SLCO1A2: variants seen among roughly 807,000 people sequenced by gnomAD.
The protein encoded by SLCO1A2 is OATP-1.
A neutral mutation model predicts 69.0 loss-of-function variants in SLCO1A2; 67 were observed. The observed-to-expected ratio is 0.97, with a 90% CI of 0.80 to 1.19. The LOEUF (loss-of-function observed/expected upper bound fraction) is 1.19, where lower values mean the gene tolerates loss of function less well. Ranked by LOEUF, SLCO1A2 falls within the 50% of genes most tolerant of loss-of-function variation. SLCO1A2 has a pLI of 0.00. For missense variants in SLCO1A2, 787 were observed against 793.7 expected (o/e 0.99, Z 0.10); for synonymous variants, 260 against 265.9 (o/e 0.98, Z 0.22).
At chr12:21,320,014 A>G (rs1951404413) in intron 2 of SLCO1A2, among the ~76,000 whole-genome samples, 2 of 152,224 alleles carry the variant, frequency 1.3e-5, no homozygotes, top group Non-Finnish European at 2.9e-5. Context: ...ATAGATTTAC[A>G]TCAACTTGAA....
chr12:21,339,445 G>A (rs1299979320), upstream of SLCO1A2, among the ~76,000 whole-genome samples: 1 of 151,956 alleles, frequency 6.6e-6, no homozygotes, highest in Non-Finnish European at 1.5e-5. Flanking sequence ...CAACTGGTTT[G>A]AAAGCCTGTT....
chr12:21,329,833 A>G (rs1344670592), intron 2 of SLCO1A2, among the ~76,000 whole-genome samples: 1 of 151,344 alleles, frequency 6.6e-6, no homozygotes, highest in Non-Finnish European at 1.5e-5. Context: ...CTCTCCTACT[A>G]TTTTAACTCT....
chr12:21,373,196 G>T, intron 2 of SLCO1A2: 1 of 663,634 alleles, frequency 1.5e-6, no homozygotes, highest in South Asian at 1.7e-5. Flanking sequence ...AATATTAAGG[G>T]ACTGTATCAA....
At chr12:21,368,947 A>G (rs1370571146) in intron 2 of SLCO1A2, among the ~76,000 whole-genome samples, 1 of 152,142 alleles carries the variant, frequency 6.6e-6, no homozygotes, top group East Asian at 1.9e-4. Context: ...TGTCCAGAGA[A>G]GTAAATATTT....
At chr12:21,309,434 A>G (rs1286686478) in intron 4 of SLCO1A2, among the ~76,000 whole-genome samples, 1 of 152,202 alleles carries the variant, frequency 6.6e-6, no homozygotes, top group Non-Finnish European at 1.5e-5. Context: ...GTTTCCACTG[A>G]AAGAAAACTG....
At chr12:21,299,874 GTATATATATATACGTGTA>G (rs1463892828) in intron 8 of SLCO1A2, among the ~76,000 whole-genome samples, 18 of 101,562 alleles carry the variant, frequency 1.8e-4, no homozygotes, top group South Asian at 1.2e-3. Context: ...ATACGTGTGT[GTATATATATATACGTGTA>G]TATATATATA....
At chr12:21,283,776 G>C (rs1383487845) in intron 12 of SLCO1A2, among the ~76,000 whole-genome samples, 3 of 152,042 alleles carry the variant, frequency 2.0e-5, no homozygotes, top group Non-Finnish European at 4.4e-5. Context: ...ACATTTCTCA[G>C]AAGAATAAAT....
rs1230200339 is a variant in SLCO1A2, at chr12:21,319,372, C to G, written c.61-449G>C. The G allele has an allele frequency of 2.9e-6, 4 of 1,368,046 alleles. No individual in the cohort carries two copies. In the South Asian group the frequency reaches 4.5e-5, roughly 16 times the overall value. 84.7% of individuals were successfully genotyped at this position (1,368,046 alleles called of 1,614,324 possible). A position where few individuals can be genotyped will look rare whatever the true frequency, so the allele number is the denominator to read the frequency against. On this transcript the variant is annotated intron_variant, in intron 2 of 14. Transcript: ENST00000683939. ...GCAGGACAATAGGTCCCCAGATTACCTTGGCCGACTCCACTCTTTCCTGTT... is the reference window on the plus strand; with the variant it reads ...GCAGGACAATAGGTCCCCAGATTACGTTGGCCGACTCCACTCTTTCCTGTT...
At chr12:21,383,440 T>C (rs1042016498) in intron 1 of SLCO1A2, among the ~76,000 whole-genome samples, 2 of 152,088 alleles carry the variant, frequency 1.3e-5, no homozygotes, top group African/African-American at 4.8e-5. Context: ...GCATTAACCA[T>C]CCCATACCCC....
At chr12:21,346,804 G>C (rs1167288364) in intron 2 of SLCO1A2, among the ~76,000 whole-genome samples, 1 of 152,166 alleles carries the variant, frequency 6.6e-6, no homozygotes, top group East Asian at 1.9e-4. Context: ...GAAACAAGAT[G>C]AATTACAAGC....
intron 8 of SLCO1A2, among the ~76,000 whole-genome samples, chr12:21,299,604 T>C (rs924099288): frequency 6.6e-6 from 1 of 150,924 alleles, no homozygotes; most frequent in Admixed American, 6.6e-5. Flanking sequence ...AAGCTCTTCG[T>C]TAAACTAACA....
intron 12 of SLCO1A2, among the ~76,000 whole-genome samples, chr12:21,291,352 ATACT>A (rs1946815413): frequency 6.6e-6 from 1 of 152,222 alleles, no homozygotes; most frequent in African/African-American, 2.4e-5. Context: ...TCTATCTGTC[ATACT>A]TAAGTGAGCA....
intron 12 of SLCO1A2, among the ~76,000 whole-genome samples, chr12:21,290,146 A>T (rs1946619570): frequency 6.6e-6 from 1 of 152,022 alleles, no homozygotes; most frequent in South Asian, 2.1e-4. Flanking sequence ...CTTAAGAAGC[A>T]ATCTAATGGC....
chr12:21,419,541 A>G (rs1277883388), upstream of SLCO1A2: 2 of 154,746 alleles, frequency 1.3e-5, no homozygotes, highest in African/African-American at 2.4e-5. Context: ...GCACGAGACT[A>G]TATCCCGCAC....
At position 21,378,183 on chromosome 12, in the gene SLCO1A2, G is replaced by C; in HGVS notation, c.-189-3658C>G. ...CAAGATATTTGATGTCACATGGCTG[G>C]ATCCAGCTAAAATTCTAAGGCTCTA... On this transcript the variant is annotated intron_variant, in intron 1 of 15. Coordinates refer to the SLCO1A2 transcript ENST00000307378. 4 of 1,498,952 alleles carry C rather than the reference G, an allele frequency of 2.7e-6. 1 individual carries two copies. The highest frequency in any genetic ancestry group is 3.7e-6 in the Non-Finnish European group (4 of 1,076,118). The allele number at this position is 1,498,952 out of a possible 1,614,324, so 92.9% of individuals were successfully genotyped here.
chr12:21,400,518 C>T (rs903024590), intron 1 of SLCO1A2, among the ~76,000 whole-genome samples: 5 of 151,362 alleles, frequency 3.3e-5, no homozygotes, highest in Admixed American at 2.6e-4. Context: ...CCAGCCATCC[C>T]ATTACTGGGT....
chr12:21,413,052 G>T (rs1419773067), intron 1 of SLCO1A2, among the ~76,000 whole-genome samples: 3 of 151,900 alleles, frequency 2.0e-5, no homozygotes, highest in Non-Finnish European at 4.4e-5. Flanking sequence ...TCCAATAAAT[G>T]ATGTTCCAGA....
intron 12 of SLCO1A2, among the ~76,000 whole-genome samples, chr12:21,283,432 A>C (rs1384046794): frequency 6.6e-6 from 1 of 152,214 alleles, no homozygotes; most frequent in Non-Finnish European, 1.5e-5. Flanking sequence ...AATCGATGAA[A>C]GACTTAAATC....
chr12:21,374,699 C>A (rs1198015754), intron 1 of SLCO1A2, among the ~76,000 whole-genome samples: 1 of 152,162 alleles, frequency 6.6e-6, no homozygotes, highest in Non-Finnish European at 1.5e-5. Flanking sequence ...TGAATGATGA[C>A]AGGAAAATCA....
Sources: gnomAD v4.1 joint callset for allele counts (sites outside exome capture counted in the v4.1 genomes callset) on GRCh38, gnomAD v4.1.1 for gene constraint, MANE v1.5 for transcripts, NCBI Gene and HGNC (gene_info 2026-07-23, HGNC 2026-07-21) for gene names.